KATNIP: variants seen among roughly 807,000 people sequenced by gnomAD.
The protein encoded by KATNIP is katanin interacting protein, also known as katanin-interacting protein.
Under a neutral mutation model 174.0 loss-of-function variants are expected in KATNIP, and 126 were observed. The ratio of observed to expected loss-of-function variants is 0.72; its 90% CI spans 0.63 to 0.84. The LOEUF (loss-of-function observed/expected upper bound fraction) is 0.84, where lower values mean the gene tolerates loss of function less well. KATNIP is among the 40% of genes least tolerant of loss of function. The probability of loss-of-function intolerance (pLI) is 0.00; values close to 1 mark genes in which losing one functional copy is unlikely to be tolerated. For missense variants in KATNIP, 1,958 were observed against 2,109.7 expected (o/e 0.93, Z 1.41); for synonymous variants, 810 against 835.7 (o/e 0.97, Z 0.53).
At position 27,552,437 on chromosome 16, in the gene KATNIP, C is replaced by T. The variant is rs560217409; in HGVS notation, c.7+2260C>T. On this transcript the variant is annotated intron_variant, in intron 1 of 27. Transcript: ENST00000261588. ...TCGCCCAGGCTGGAGTGCAGTGGCACGATCTCAGCTCACTGCAACCTCTGC... is the reference window on the plus strand; with the variant it reads ...TCGCCCAGGCTGGAGTGCAGTGGCATGATCTCAGCTCACTGCAACCTCTGC... Among the ~76,000 whole-genome samples, 9 of 147,196 alleles carry T rather than the reference C, an allele frequency of 6.1e-5. No homozygotes were observed. In the East Asian group the frequency reaches 1.8e-3, roughly 30 times the overall value.
At chr16:27,560,469 T>C (rs2089834694) in intron 1 of KATNIP, among the ~76,000 whole-genome samples, 1 of 152,118 alleles carries the variant, frequency 6.6e-6, no homozygotes, top group African/African-American at 2.4e-5. Flanking sequence ...TGGTGTTACC[T>C]GTCATCTGGT....
chr16:27,769,973 T>A lies in KATNIP; in HGVS notation c.4088T>A (p.Phe1363Tyr). 1 of 1,614,240 alleles carries A rather than the reference T, an allele frequency of 6.2e-7. No individual in the cohort carries two copies. The highest frequency in any genetic ancestry group is 8.5e-7 in the Non-Finnish European group (1 of 1,180,042). Residue 1363 changes from phenylalanine (F) to tyrosine (Y), a missense_variant, in exon 21 of 28, where the codon TTC becomes TAC. Phe to Tyr is a conservative substitution (Grantham distance 22). This residue lies in a region of KATNIP where 383 missense variants were observed against 456.0 expected (regional missense o/e 0.84). Transcript: ENST00000261588. Reference protein sequence around the residue: ...CHFDFAQEILFVDYLRAQLLP... With the variant: ...CHFDFAQEILYVDYLRAQLLP... ...TTTGATTTTGCTCAAGAAATCCTCT[T>A]CGTGGACTACCTACGGGCTCAGCTG...
chr16:27,616,887 TAAAAAAAAAAAAAAAAAA>T (rs556687403), intron 2 of KATNIP, among the ~76,000 whole-genome samples: 17 of 31,384 alleles, frequency 5.4e-4, no homozygotes, highest in African/African-American at 9.3e-4. Flanking sequence ...CCATCTCTAC[TAAAAAAAAAAAAAAAAAA>T]AAAAAAAAAA....
At chr16:27,563,861 C>G (rs906893647) in intron 1 of KATNIP, among the ~76,000 whole-genome samples, 1 of 113,730 alleles carries the variant, frequency 8.8e-6, no homozygotes, top group African/African-American at 3.4e-5. Context: ...ACCAGCTAGG[C>G]AACATAGTGA....
At chr16:27,774,657 TC>T (rs1317570782) in intron 23 of KATNIP, among the ~76,000 whole-genome samples, 1 of 152,134 alleles carries the variant, frequency 6.6e-6, no homozygotes, top group Non-Finnish European at 1.5e-5. Context: ...ACATTTTACG[TC>T]CCCAGCTCTG....
chr16:27,677,507 A>G lies in KATNIP; in HGVS notation c.541-222A>G, dbSNP rs533517852. Among the ~76,000 whole-genome samples the G allele has an allele frequency of 1.0e-4, 15 of 148,810 alleles. No homozygotes were observed. The South Asian group carries it at 1.5e-3, about 15-fold the overall frequency. On this transcript the variant is annotated intron_variant, in intron 6 of 27. Transcript: ENST00000261588. ...CCCCCGGCATCTCCGGGATACAAAC[A>G]CCACAGTTAATATTAACAACATTGC... is the stretch of plus-strand genomic sequence containing the variant.
Position 27,754,271 on chromosome 16 carries a change from C to T in KATNIP, c.3631+20C>T, listed in dbSNP as rs200129883. On this transcript the variant is annotated intron_variant, in intron 18 of 27. Coordinates refer to ENST00000261588, the MANE Select transcript of KATNIP (RefSeq NM_015202.5). ...GAATCTGTGAGTAGCTCTCCTGGAG[C>T]AGTGTTGGGTGGAAGGAGGACCTTC... 6.3e-5 allele frequency: 101 copies of T among 1,607,384 alleles called. 1 individual carries two copies. In the East Asian group the frequency reaches 2.3e-3, roughly 36 times the overall value.
intron 6 of KATNIP, among the ~76,000 whole-genome samples, chr16:27,664,964 C>T (rs1204402231): frequency 1.3e-5 from 2 of 152,134 alleles, no homozygotes; most frequent in East Asian, 3.8e-4. Flanking sequence ...CAGCCTGTCC[C>T]CGGCTATATT....
At chr16:27,690,675 T>C (rs1427176478) in intron 8 of KATNIP, among the ~76,000 whole-genome samples, 1 of 152,236 alleles carries the variant, frequency 6.6e-6, no homozygotes, top group East Asian at 1.9e-4. Flanking sequence ...TAGAAGTGAG[T>C]GTGGACATCT....
At chr16:27,563,891 TAAAAAAAAAAAA>T (rs58505514) in intron 1 of KATNIP, among the ~76,000 whole-genome samples, 714 of 66,732 alleles carry the variant, frequency 0.011, 17 homozygotes, top group African/African-American at 0.044. Context: ...TCTAGTAAAT[TAAAAAAAAAAAA>T]AAAAAAAAAA....
At position 27,628,051 on chromosome 16, in the gene KATNIP, C is replaced by T. The variant is rs529217365; in HGVS notation, c.141-610C>T. 3.3e-5 allele frequency among the ~76,000 whole-genome samples: 5 copies of T among 152,314 alleles called. No homozygotes were observed. In the East Asian group the frequency reaches 9.6e-4, roughly 29 times the overall value. On this transcript the variant is annotated intron_variant, in intron 3 of 27. Transcript: ENST00000261588. ...AATCCTATTGTTAACCTTGAACCAA[C>T]GCCTGCATTGATATATTTTTTAACT...
intron 3 of KATNIP, among the ~76,000 whole-genome samples, chr16:27,627,680 A>G (rs1415003746): frequency 2.0e-5 from 3 of 152,230 alleles, no homozygotes; most frequent in African/African-American, 4.8e-5. Context: ...AGCATACAGT[A>G]TGCACCTTTT....
chr16:27,698,530 G>T, intron 9 of KATNIP, 30 bp downstream of exon 9: 2 of 1,583,402 alleles, frequency 1.3e-6, no homozygotes, highest in Admixed American at 3.5e-5. Flanking sequence ...AGGAACCGGG[G>T]GATGCTCCCT....
At chr16:27,566,728 T>C (rs2090104838) in intron 1 of KATNIP, among the ~76,000 whole-genome samples, 1 of 152,166 alleles carries the variant, frequency 6.6e-6, no homozygotes, top group South Asian at 2.1e-4. Flanking sequence ...ATGGGCAGTT[T>C]GCTTTGCTTC....
chr16:27,774,835 G>A (rs1227701845), intron 23 of KATNIP, 110 bp from the exon 24 acceptor site: 30 of 1,295,544 alleles, frequency 2.3e-5, no homozygotes, highest in Non-Finnish European at 2.9e-5. Flanking sequence ...GCTGCCCAAA[G>A]CATCAGCCCT....
intron 14 of KATNIP, among the ~76,000 whole-genome samples, chr16:27,736,760 A>G (rs1183388736): frequency 6.6e-6 from 1 of 152,216 alleles, no homozygotes; most frequent in Non-Finnish European, 1.5e-5. Flanking sequence ...AGTTGTTAAA[A>G]AAAGACTCAC....
In KATNIP at chr16:27,556,677, C is replaced by G. The variant is rs549400787; in HGVS notation, c.7+6500C>G. On this transcript the variant is annotated intron_variant, in intron 1 of 27. Coordinates refer to ENST00000261588, the MANE Select transcript of KATNIP (RefSeq NM_015202.5). ...TGATGGTTGAATTAGGAAGGTTTTGCTGAGAGTACACCATCGGTTTAGCTG... is the reference window on the plus strand; with the variant it reads ...TGATGGTTGAATTAGGAAGGTTTTGGTGAGAGTACACCATCGGTTTAGCTG... 2.6e-4 allele frequency among the ~76,000 whole-genome samples: 40 copies of G among 152,278 alleles called. 1 individual carries two copies. The South Asian group carries it at 8.1e-3, about 31-fold the overall frequency.
At chr16:27,714,694 A>G (rs2079846865) in intron 13 of KATNIP, among the ~76,000 whole-genome samples, 1 of 152,224 alleles carries the variant, frequency 6.6e-6, no homozygotes, top group Admixed American at 6.5e-5. Flanking sequence ...TTAAGAAACA[A>G]TTATGTTTAC....
At chr16:27,756,169 A>C (rs2081718254) in intron 18 of KATNIP, among the ~76,000 whole-genome samples, 1 of 152,208 alleles carries the variant, frequency 6.6e-6, no homozygotes, top group African/African-American at 2.4e-5. Context: ...TCCCCTGTGA[A>C]AATTCATCTC....
Sources: gnomAD v4.1 joint callset for allele counts (sites outside exome capture counted in the v4.1 genomes callset) on GRCh38, gnomAD v4.1.1 for gene constraint, gnomAD v4.1.1 regional missense constraint, MANE v1.5 for transcripts, NCBI Gene and HGNC (gene_info 2026-07-23, HGNC 2026-07-21) for gene names.